CAMKK2: variants seen among roughly 807,000 people sequenced by gnomAD.
CAMKK2 encodes calcium/calmodulin dependent protein kinase kinase 2.
CAMKK2 carries 30 observed loss-of-function variants against 67.2 expected under a neutral mutation model. That is an observed-to-expected ratio of 0.45 (90% CI 0.33 to 0.61). CAMKK2 has a LOEUF of 0.61. Among genes scored for constraint, CAMKK2 ranks in the 20% least tolerant of loss-of-function variants. CAMKK2 has a pLI of 0.02. For synonymous variants in CAMKK2, 322 were observed against 326.2 expected (o/e 0.99, Z 0.14); for missense variants, 643 against 802.0 (o/e 0.80, Z 2.39).
chr12:121,281,425 G>A (rs548753537), intron 1 of CAMKK2, among the ~76,000 whole-genome samples: 20 of 152,332 alleles, frequency 1.3e-4, no homozygotes, highest in South Asian at 6.2e-4. Flanking sequence ...TGTCCTGCCC[G>A]GGACATCAAT....
chr12:121,241,314 G>C (rs79803168), intron 16 of CAMKK2, among the ~76,000 whole-genome samples: 16 of 152,194 alleles, frequency 1.1e-4, no homozygotes, highest in Non-Finnish European at 1.6e-4. Context: ...CTTGTGTGTG[G>C]GGGTGATCAG....
In CAMKK2 at chr12:121,240,897, A is replaced by G. The variant is rs201009893; in HGVS notation, c.1597-28T>C. On this transcript the variant is annotated intron_variant, in intron 16 of 16. Transcript: ENST00000404169. The surrounding 1 kb of genome is among the most constrained non-coding windows in gnomAD (Gnocchi z 4.4). ...GCTCACCGAACAGAAAACCAACATT[A>G]AGACTCTGAGAAATGCCAGCGAGGC... 314 of 1,610,008 alleles carry G rather than the reference A, an allele frequency of 2.0e-4. No homozygotes were observed. The highest frequency in any genetic ancestry group is 5.9e-4 in the Admixed American group (35 of 59,516).
At chr12:121,283,159 T>TGCCTTGGAGAAGCTGTG (rs944058202) in intron 1 of CAMKK2, among the ~76,000 whole-genome samples, 9 of 152,246 alleles carry the variant, frequency 5.9e-5, no homozygotes, top group African/African-American at 1.9e-4. Context: ...AGAAGCCGGC[T>TGCCTTGGAGAAGCTGTG]GCCTTGGAGG....
chr12:121,255,315 T>TATATATATATAATTATATATATAA (rs1566059576), intron 9 of CAMKK2, among the ~76,000 whole-genome samples: 15 of 5,610 alleles, frequency 2.7e-3, no homozygotes, highest in South Asian at 9.0e-3. Context: ...TATATATAAT[T>TATATATATATAATTATATATATAA]TTATATATAT....
chr12:121,263,260 GTTT>G (rs1157730877), intron 6 of CAMKK2, among the ~76,000 whole-genome samples: 1 of 17,492 alleles, frequency 5.7e-5, no homozygotes, highest in African/African-American at 1.4e-3. Flanking sequence ...TGTCTGGTTT[GTTT>G]GTTTGTTTGT....
chr12:121,289,663 C>T (rs1899564448), intron 1 of CAMKK2, among the ~76,000 whole-genome samples: 5 of 152,114 alleles, frequency 3.3e-5, no homozygotes, highest in South Asian at 2.1e-4. Flanking sequence ...GAGACTGAGG[C>T]GGGCGGATCA....
At chr12:121,292,130 T>C (rs995456349) in intron 1 of CAMKK2, among the ~76,000 whole-genome samples, 1 of 148,286 alleles carries the variant, frequency 6.7e-6, no homozygotes, top group African/African-American at 2.6e-5. Flanking sequence ...TCACCTCAAT[T>C]TTTTTTTTCT....
At chr12:121,284,415 C>T (rs868611660) in intron 1 of CAMKK2, among the ~76,000 whole-genome samples, 7 of 150,278 alleles carry the variant, frequency 4.7e-5, no homozygotes, top group Middle Eastern at 6.8e-3. Flanking sequence ...ACCTCTGCCT[C>T]CCAGGTTTAA....
At chr12:121,262,192 A>C (rs910678581) in intron 6 of CAMKK2, among the ~76,000 whole-genome samples, 2 of 151,948 alleles carry the variant, frequency 1.3e-5, no homozygotes, top group African/African-American at 4.8e-5. Flanking sequence ...AAATGAAGCC[A>C]CTCTTCTACT....
At chr12:121,293,138 C>G (rs2668237) in intron 1 of CAMKK2, among the ~76,000 whole-genome samples, 75,639 of 151,762 alleles carry the variant, frequency 0.5, 22,414 homozygotes, top group African/African-American at 0.84. Context: ...TTAGCCAGGC[C>G]TGGTGGTGTG....
intron 15 of CAMKK2, among the ~76,000 whole-genome samples, chr12:121,244,920 G>A (rs186735429): frequency 1.4e-3 from 213 of 152,364 alleles, no homozygotes; most frequent in African/African-American, 4.9e-3. Flanking sequence ...GCAAGTTCCC[G>A]AGAAAGGTAA....
Position 121,240,677 on chromosome 12 carries a change from C to A in CAMKK2, c.*22G>T. On this transcript the variant is annotated 3_prime_UTR_variant, in exon 17 of 17. Coordinates refer to ENST00000404169, the MANE Select transcript of CAMKK2 (RefSeq NM_001270485.2). The surrounding 1 kb of genome is among the most constrained non-coding windows in gnomAD (Gnocchi z 4.4). ...CCCCAGAGGCGACGCGGCGCGCATG[C>A]GAGGTCGAGCGATCCAGGCAGCTAC... is the stretch of plus-strand genomic sequence containing the variant. The A allele has an allele frequency of 6.4e-7, 1 of 1,574,252 alleles. No individual in the cohort carries two copies. The highest frequency in any genetic ancestry group is 1.9e-5 in the Admixed American group (1 of 54,020).
intron 1 of CAMKK2, among the ~76,000 whole-genome samples, chr12:121,275,800 C>T (rs750520776): frequency 3.9e-5 from 6 of 152,026 alleles, no homozygotes; most frequent in Non-Finnish European, 7.4e-5. Context: ...GCATTGTGAA[C>T]GTACTAAATG....
chr12:121,273,786 G>C (rs1324336139), intron 2 of CAMKK2, among the ~76,000 whole-genome samples: 1 of 152,040 alleles, frequency 6.6e-6, no homozygotes, highest in Admixed American at 6.5e-5. Context: ...CCCACGGAAG[G>C]AAAAAGCCCC....
At chr12:121,260,482 G>A (rs1893226882) in intron 6 of CAMKK2, 127 bp from the exon 7 acceptor site, 2 of 789,590 alleles carry the variant, frequency 2.5e-6, no homozygotes, top group Non-Finnish European at 4.3e-6. Flanking sequence ...GCATTTGGCA[G>A]CGTGTTTCCC....
intron 6 of CAMKK2, 102 bp from the exon 7 acceptor site, chr12:121,260,457 G>T: frequency 9.8e-7 from 1 of 1,016,090 alleles, no homozygotes. Context: ...GGCTGCGTTT[G>T]CCAACAGGAG....
intron 9 of CAMKK2, among the ~76,000 whole-genome samples, chr12:121,255,285 T>TA (rs1891820402): frequency 1.4e-5 from 1 of 70,794 alleles, no homozygotes; most frequent in African/African-American, 6.1e-5. Context: ...TAATTATATA[T>TA]ATAATTATAT....
intron 11 of CAMKK2, 63 bp downstream of exon 11, chr12:121,252,598 G>T: frequency 6.8e-7 from 1 of 1,470,288 alleles, no homozygotes; most frequent in South Asian, 1.1e-5. Flanking sequence ...CTCCCCGCAA[G>T]GGTGACTATT....
At chr12:121,279,962 A>G (rs545148140) in intron 1 of CAMKK2, among the ~76,000 whole-genome samples, 1 of 152,198 alleles carries the variant, frequency 6.6e-6, no homozygotes, top group Non-Finnish European at 1.5e-5. Context: ...GGTGCCAAAG[A>G]GGTGCTCCCG....
Sources: gnomAD v4.1 joint callset for allele counts (sites outside exome capture counted in the v4.1 genomes callset) on GRCh38, gnomAD v4.1.1 for gene constraint, Gnocchi (gnomAD v3.1) non-coding constraint, MANE v1.5 for transcripts, NCBI Gene and HGNC (gene_info 2026-07-23, HGNC 2026-07-21) for gene names.